The following RHBDL3 variants were observed in gnomAD, a reference collection of about 807,000 sequenced individuals.
The protein encoded by RHBDL3 is rhomboid like 3.
A neutral mutation model predicts 48.2 loss-of-function variants in RHBDL3; 28 were observed. The observed-to-expected ratio is 0.58, with a 90% confidence interval of 0.43 to 0.80. RHBDL3 has a LOEUF of 0.80. RHBDL3 is among the 30% of genes least tolerant of loss of function. The pLI is 0.00. For missense variants in RHBDL3, 464 were observed against 542.7 expected, an observed-to-expected ratio of 0.85 and a Z score of 1.44; for synonymous variants, 208 against 232.3, an observed-to-expected ratio of 0.90 and a Z score of 0.95.
intron 7 of RHBDL3, among the ~76,000 whole-genome samples, chr17:32,313,795 C>T (rs942428944): frequency 5.0e-5 from 6 of 119,582 alleles, no homozygotes; most frequent in Admixed American, 1.2e-4. Flanking sequence ...CTCACTCTGT[C>T]GTCCAGGCTG....
At chr17:32,306,693 G>A (rs1291911986) in intron 7 of RHBDL3, among the ~76,000 whole-genome samples, 1 of 152,200 alleles carries the variant, frequency 6.6e-6, no homozygotes, top group Non-Finnish European at 1.5e-5. Flanking sequence ...GCTGAGGTGG[G>A]CAGATTGCAT....
intron 2 of RHBDL3, among the ~76,000 whole-genome samples, chr17:32,275,525 T>C (rs974870700): frequency 2.7e-4 from 39 of 142,578 alleles, no homozygotes; most frequent in South Asian, 2.5e-4. Context: ...ACCCCACCCA[T>C]CCCCAGCTGC....
In RHBDL3 at chr17:32,320,990, C is replaced by T. The variant is rs746532243; in HGVS notation, c.976C>T (p.Arg326Cys). Residue 326 changes from arginine (R) to cysteine (C), a missense_variant, in exon 9 of 9, where the codon CGC (arginine) becomes TGC (cysteine). Transcript: ENST00000269051. ...GGAGTTTGGGCGGGCCGTGTGGCTC[C>T]GCTTCCACCCGTCGGCCTATCCCCC... Reference protein sequence around the residue: ...SMEFGRAVWLRFHPSAYPPCP... With the variant: ...SMEFGRAVWLCFHPSAYPPCP... 14 of 1,613,364 alleles carry T rather than the reference C, an allele frequency of 8.7e-6. No homozygotes were observed. Among genetic ancestry groups the T allele is most frequent in the East Asian group, 2.2e-5 (1 of 44,880 alleles).
rs1287087341 is a variant in RHBDL3, at chr17:32,276,848, A to G, written c.136-7811A>G. 6.1e-5 allele frequency among the ~76,000 whole-genome samples: 6 copies of G among 98,416 alleles called. 2 individuals carry two copies. Among genetic ancestry groups the G allele is most frequent in the Admixed American group, 1.7e-4 (2 of 11,556 alleles). The allele number at this position is 98,416 out of a possible 152,430, so 64.6% of individuals were successfully genotyped here. A position where few individuals can be genotyped will look rare whatever the true frequency, so the allele number is the denominator to read the frequency against. On this transcript the variant is annotated intron_variant, in intron 2 of 8. Coordinates refer to ENST00000269051, the MANE Select transcript of RHBDL3 (RefSeq NM_138328.3). Reference sequence around the variant, plus strand: ...GGCCCTAGCACCTTACTCCGGCCCTAGCACCTTACTCCGGCCCTAGCACAG... The same window carrying G: ...GGCCCTAGCACCTTACTCCGGCCCTGGCACCTTACTCCGGCCCTAGCACAG...
intron 2 of RHBDL3, among the ~76,000 whole-genome samples, chr17:32,280,052 T>C (rs2040006191): frequency 6.6e-6 from 1 of 152,120 alleles, no homozygotes; most frequent in Non-Finnish European, 1.5e-5. Flanking sequence ...TGGGTGCTGG[T>C]GCGATTAAAG....
chr17:32,277,572 G>A (rs2039944475), intron 2 of RHBDL3, among the ~76,000 whole-genome samples: 2 of 152,224 alleles, frequency 1.3e-5, no homozygotes, highest in African/African-American at 4.8e-5. Context: ...GAGGCCTGGT[G>A]TCCCCAGTCA....
rs535445042 is a variant in RHBDL3 at position 32,320,869 on chromosome 17, A to C, written c.944-89A>C. The C allele has an allele frequency of 7.1e-5, 63 of 892,582 alleles. 1 individual carries two copies. The South Asian group carries it at 8.9e-4, about 13-fold the overall frequency. 55.3% of individuals were successfully genotyped at this position (892,582 alleles called of 1,614,324 possible). On this transcript the variant is annotated intron_variant, in intron 8 of 8. Transcript: ENST00000269051. ...GAGAATGGTGCTTGGCCTAATAGGG[A>C]ATGAATTCATGGGTGGGTGATGAAG...
chr17:32,311,919 C>T (rs1018860342), intron 7 of RHBDL3, among the ~76,000 whole-genome samples: 3 of 152,166 alleles, frequency 2.0e-5, no homozygotes, highest in Non-Finnish European at 4.4e-5. Flanking sequence ...CTCAAATTCA[C>T]AAATGAAAAT....
intron 2 of RHBDL3, among the ~76,000 whole-genome samples, chr17:32,269,299 G>T (rs999191415): frequency 6.6e-6 from 1 of 152,186 alleles, no homozygotes; most frequent in African/African-American, 2.4e-5. Flanking sequence ...AGTGAGCCAC[G>T]ATCGTGCTAC....
chr17:32,275,384 G>T (rs930844054), intron 2 of RHBDL3, among the ~76,000 whole-genome samples: 1 of 152,232 alleles, frequency 6.6e-6, no homozygotes. Flanking sequence ...TCTGGAATGG[G>T]AAGGGAGCCG....
intron 7 of RHBDL3, among the ~76,000 whole-genome samples, chr17:32,314,092 G>T (rs960299913): frequency 2.0e-5 from 3 of 151,982 alleles, no homozygotes; most frequent in African/African-American, 4.8e-5. Flanking sequence ...GTATATATCA[G>T]CAGGTGACAA....
chr17:32,298,116 G>C lies in RHBDL3; in HGVS notation c.693G>C (p.Val231=). Residue 231 remains valine, a synonymous_variant, in exon 6 of 9, where the codon GTG becomes GTC. Coordinates refer to ENST00000269051, the MANE Select transcript of RHBDL3 (RefSeq NM_138328.3). ...HAGIEHLGLN[V]VLQLLVGVPL... ...GGATAGAACACCTGGGACTCAATGTGGTGCTGCAGCTGCTGGTGGGGGTGC... is the reference window on the plus strand; with the variant it reads ...GGATAGAACACCTGGGACTCAATGTCGTGCTGCAGCTGCTGGTGGGGGTGC... 1 of 1,613,770 alleles carries C rather than the reference G, an allele frequency of 6.2e-7. No individual in the cohort carries two copies. Among genetic ancestry groups the C allele is most frequent in the Non-Finnish European group, 8.5e-7 (1 of 1,179,672 alleles).
chr17:32,318,551 T>G (rs59268179), intron 8 of RHBDL3, among the ~76,000 whole-genome samples: 3,379 of 149,626 alleles, frequency 0.023, 48 homozygotes, highest in African/African-American at 0.037. Context: ...CTAGAAAGGG[T>G]ATTATTATTA....
chr17:32,305,226 T>G, intron 6 of RHBDL3, 115 bp from the exon 7 acceptor site: 1 of 713,520 alleles, frequency 1.4e-6, no homozygotes, highest in Non-Finnish European at 2.6e-6. Flanking sequence ...GAGGAAGAGG[T>G]GGAGCGTCTT....
intron 4 of RHBDL3, among the ~76,000 whole-genome samples, chr17:32,289,986 C>G (rs569768003): frequency 6.6e-6 from 1 of 152,314 alleles, no homozygotes; most frequent in East Asian, 1.9e-4. Context: ...GTTGAAGTTG[C>G]GATTTTTCTG....
chr17:32,314,146 G>C (rs919855336), intron 7 of RHBDL3, among the ~76,000 whole-genome samples: 2 of 152,106 alleles, frequency 1.3e-5, no homozygotes, highest in African/African-American at 4.8e-5. Flanking sequence ...ATGAAGATTA[G>C]TGAAGATTAG....
chr17:32,318,431 A>G (rs1051621171), intron 8 of RHBDL3, among the ~76,000 whole-genome samples: 6 of 151,060 alleles, frequency 4.0e-5, no homozygotes, highest in African/African-American at 1.5e-4. Context: ...GAGGTCAGGA[A>G]TTCGAGACCA....
At chr17:32,319,978 G>A (rs2150761605) in intron 8 of RHBDL3, among the ~76,000 whole-genome samples, 1 of 152,168 alleles carries the variant, frequency 6.6e-6, no homozygotes, top group Admixed American at 6.5e-5. Flanking sequence ...AGGCATCTTA[G>A]AATCTGTTAC....
In RHBDL3 at chr17:32,266,185, CG is replaced by C. The variant is rs2039623042; in HGVS notation, c.-3del. On this transcript the variant is annotated 5_prime_UTR_variant, in exon 1 of 9. Coordinates refer to ENST00000269051, the MANE Select transcript of RHBDL3 (RefSeq NM_138328.3). ...CCGCCGCCGCCCCCGGACCCCGTCT[CG>C]GCCATGGGCGAGCACCCCAGCCCGG... 2.5e-6 allele frequency: 3 copies of C among 1,203,578 alleles called. No homozygotes were observed. The highest frequency in any genetic ancestry group is 6.8e-5 in the East Asian group (2 of 29,354). 74.6% of individuals were successfully genotyped at this position (1,203,578 alleles called of 1,614,324 possible). A position where few individuals can be genotyped will look rare whatever the true frequency, so the allele number is the denominator to read the frequency against.
Sources: gnomAD v4.1 joint callset for allele counts (sites outside exome capture counted in the v4.1 genomes callset) on GRCh38, gnomAD v4.1.1 for gene constraint, MANE v1.5 for transcripts, NCBI Gene and HGNC (gene_info 2026-07-23, HGNC 2026-07-21) for gene names.